Variants in PRKG1 observed in about 807,000 individuals in gnomAD.
The protein encoded by PRKG1 is protein kinase cGMP-dependent 1, also known as cGMP-dependent protein kinase 1.
PRKG1 carries 35 observed loss-of-function variants against 88.1 expected under a neutral mutation model. The ratio of observed to expected loss-of-function variants is 0.40; its 90% CI spans 0.30 to 0.53. The LOEUF is 0.53. Among genes scored for constraint, PRKG1 ranks in the 20% least tolerant of loss-of-function variants. The pLI is 0.59. For missense variants in PRKG1, 540 were observed against 839.8 expected, an observed-to-expected ratio of 0.64 and a Z score of 4.41; for synonymous variants, 303 against 292.5, an observed-to-expected ratio of 1.04 and a Z score of -0.37.
chr10:51,163,063 G>A (rs144971039), intron 2 of PRKG1, among the ~76,000 whole-genome samples: 6 of 152,232 alleles, frequency 3.9e-5, no homozygotes, highest in Non-Finnish European at 5.9e-5. Flanking sequence ...TACACAGGAG[G>A]CTGAGGCAGG....
At chr10:51,588,927 T>C (rs1379464989) in intron 3 of PRKG1, among the ~76,000 whole-genome samples, 1 of 152,190 alleles carries the variant, frequency 6.6e-6, no homozygotes, top group African/African-American at 2.4e-5. Flanking sequence ...CTATGAATAT[T>C]TTAAATATAC....
chr10:51,692,398 A>C (rs1841167805), intron 3 of PRKG1, among the ~76,000 whole-genome samples: 1 of 151,986 alleles, frequency 6.6e-6, no homozygotes, highest in African/African-American at 2.4e-5. Flanking sequence ...GCCCACCACC[A>C]CGCCCCTGGC....
At chr10:51,804,035 C>T (rs747889728) in intron 3 of PRKG1, among the ~76,000 whole-genome samples, 2 of 152,082 alleles carry the variant, frequency 1.3e-5, no homozygotes, top group African/African-American at 2.4e-5. Context: ...GAAACTACCA[C>T]GTGGCAACTT....
intron 7 of PRKG1, among the ~76,000 whole-genome samples, chr10:52,069,187 A>G (rs1846431405): frequency 6.6e-6 from 1 of 152,112 alleles, no homozygotes; most frequent in Non-Finnish European, 1.5e-5. Context: ...ACATTTCTGA[A>G]CTTGCTTCTT....
intron 9 of PRKG1, among the ~76,000 whole-genome samples, chr10:52,245,096 TAAAA>T (rs1840990659): frequency 6.6e-6 from 1 of 151,618 alleles, no homozygotes; most frequent in Admixed American, 6.6e-5. Flanking sequence ...AATTATCACA[TAAAA>T]TCCTGTGTAC....
At chr10:51,813,633 T>C (rs977131020) in intron 4 of PRKG1, among the ~76,000 whole-genome samples, 1 of 152,182 alleles carries the variant, frequency 6.6e-6, no homozygotes, top group Non-Finnish European at 1.5e-5. Flanking sequence ...AGCCAGTGTC[T>C]ATAGAACTGA....
chr10:51,526,815 A>G (rs1271791198), intron 3 of PRKG1, among the ~76,000 whole-genome samples: 1 of 152,102 alleles, frequency 6.6e-6, no homozygotes, highest in Admixed American at 6.5e-5. Context: ...CAGCATTTTC[A>G]GGTGTTCTGT....
At chr10:51,352,894 T>C (rs1443101883) in intron 2 of PRKG1, among the ~76,000 whole-genome samples, 1 of 152,054 alleles carries the variant, frequency 6.6e-6, no homozygotes, top group African/African-American at 2.4e-5. Flanking sequence ...CACATCATGG[T>C]ACTGGCAAAA....
intron 2 of PRKG1, among the ~76,000 whole-genome samples, chr10:51,414,840 T>A (rs188293387): frequency 1.2e-4 from 19 of 152,244 alleles, no homozygotes; most frequent in Admixed American, 4.6e-4. Context: ...GGTTTTTAAA[T>A]AACTAAAAAT....
intron 2 of PRKG1, among the ~76,000 whole-genome samples, chr10:51,223,272 A>G (rs1036404578): frequency 5.3e-5 from 8 of 152,178 alleles, no homozygotes; most frequent in African/African-American, 1.9e-4. Context: ...GAACATTTTT[A>G]TAGTTATAAA....
chr10:51,687,558 G>T (rs901536328), intron 3 of PRKG1, among the ~76,000 whole-genome samples: 8 of 152,244 alleles, frequency 5.3e-5, no homozygotes, highest in African/African-American at 1.7e-4. Context: ...ATTTACAAAA[G>T]AAAATGGAGT....
At chr10:52,156,858 A>G (rs1052841494) in intron 8 of PRKG1, among the ~76,000 whole-genome samples, 1 of 151,652 alleles carries the variant, frequency 6.6e-6, no homozygotes, top group Non-Finnish European at 1.5e-5. Context: ...ATATTTTTTT[A>G]AAAAGATTTA....
At chr10:51,099,603 T>G (rs1844628003) in intron 1 of PRKG1, among the ~76,000 whole-genome samples, 1 of 152,174 alleles carries the variant, frequency 6.6e-6, no homozygotes, top group South Asian at 2.1e-4. Flanking sequence ...GTAGTAGAGA[T>G]AGATGACCTA....
intron 5 of PRKG1, among the ~76,000 whole-genome samples, chr10:51,947,400 G>T (rs567603874): frequency 6.6e-6 from 1 of 152,140 alleles, no homozygotes; most frequent in Non-Finnish European, 1.5e-5. Flanking sequence ...GGAACTGCCT[G>T]ACCCCTTGCA....
intron 5 of PRKG1, among the ~76,000 whole-genome samples, chr10:51,952,215 T>C (rs1441809408): frequency 6.6e-6 from 1 of 152,244 alleles, no homozygotes; most frequent in African/African-American, 2.4e-5. Context: ...TTTGTCCAAA[T>C]GTTGTTAAAA....
rs771699320 is a variant in PRKG1 at position 52,204,069 on chromosome 10, G to A, written c.1076+42106G>A. On this transcript the variant is annotated intron_variant, in intron 9 of 17. Coordinates refer to ENST00000373980, the MANE Select transcript of PRKG1 (RefSeq NM_006258.4). Reference sequence around the variant, plus strand: ...ATTTGATCCTGTCACCATGTTGTTCGCTGGTTATTATTATTATTATTATTA... The same window carrying A: ...ATTTGATCCTGTCACCATGTTGTTCACTGGTTATTATTATTATTATTATTA... Among the ~76,000 whole-genome samples, 4 of 120,120 alleles carry A rather than the reference G, an allele frequency of 3.3e-5. No homozygotes were observed. The East Asian group carries it at 7.5e-4, about 22-fold the overall frequency. 78.8% of individuals were successfully genotyped at this position (120,120 alleles called of 152,430 possible). A position where few individuals can be genotyped will look rare whatever the true frequency, so the allele number is the denominator to read the frequency against.
chr10:52,157,593 A>T (rs1838156626), intron 8 of PRKG1, among the ~76,000 whole-genome samples: 1 of 151,352 alleles, frequency 6.6e-6, no homozygotes, highest in Non-Finnish European at 1.5e-5. Flanking sequence ...AACTAAACTT[A>T]TTACCCACTG....
chr10:51,703,232 TA>T (rs1308323172), intron 3 of PRKG1, among the ~76,000 whole-genome samples: 5 of 152,044 alleles, frequency 3.3e-5, no homozygotes, highest in African/African-American at 1.2e-4. Flanking sequence ...AGGAATTTTT[TA>T]AAAAAAGATT....
At chr10:51,208,546 G>A (rs1034010212) in intron 2 of PRKG1, among the ~76,000 whole-genome samples, 4 of 152,146 alleles carry the variant, frequency 2.6e-5, no homozygotes, top group African/African-American at 9.7e-5. Flanking sequence ...AAAGGGTTAG[G>A]GGAGTTCAGA....
Sources: allele counts gnomAD v4.1 joint callset (sites outside exome capture counted in the v4.1 genomes callset), GRCh38; gene constraint gnomAD v4.1.1; transcripts MANE v1.5; gene names NCBI Gene and HGNC (gene_info 2026-07-23, HGNC 2026-07-21).